VPS13A: variants seen among roughly 807,000 people sequenced by gnomAD.
The protein encoded by VPS13A is intermembrane lipid transfer protein VPS13A.
VPS13A carries 264 observed loss-of-function variants against 390.9 expected under a neutral mutation model. The observed-to-expected ratio is 0.68, with a 90% confidence interval of 0.61 to 0.75. The LOEUF is 0.75. VPS13A is among the 30% of genes least tolerant of loss of function. The pLI is 0.00. For synonymous variants in VPS13A, 1,231 were observed against 1,227.1 expected (o/e 1.00, Z -0.07); for missense variants, 3,409 against 3,733.9 (o/e 0.91, Z 2.27).
At position 77,296,929 on chromosome 9, in the gene VPS13A, A is replaced by G. The variant is rs955822387; in HGVS notation, c.3812+1083A>G. ...CCATTTCATCTAAGTTGTAAAATTT[A>G]ATGGCATAAAGATTTTCATAATGCT... On this transcript the variant is annotated intron_variant, in intron 33 of 71. Coordinates refer to ENST00000360280, the MANE Select transcript of VPS13A (RefSeq NM_033305.3). Among the ~76,000 whole-genome samples the G allele has an allele frequency of 2.0e-5, 3 of 152,244 alleles. No individual in the cohort carries two copies. The East Asian group carries it at 5.8e-4, about 29-fold the overall frequency.
chr9:77,239,808 A>G (rs1007620151), intron 19 of VPS13A, among the ~76,000 whole-genome samples: 8 of 151,906 alleles, frequency 5.3e-5, no homozygotes, highest in African/African-American at 1.9e-4. Context: ...GATAAATTCT[A>G]GGATACCTTT....
At position 77,371,085 on chromosome 9, in the gene VPS13A, G is replaced by T; in HGVS notation, c.9013G>T (p.Ala3005Ser). ...AGGTGTTGGGAAAGGTTTAGTAGGA[G>T]CGGTAGCAAGGCCAACTGGAGGCAT... is the stretch of plus-strand genomic sequence containing the variant. Reference protein sequence around the residue: ...FKGVGKGLVGAVARPTGGIID... With the variant: ...FKGVGKGLVGSVARPTGGIID... Residue 3005 changes from alanine to serine, a missense_variant, in exon 67 of 72, where the codon GCG becomes TCG. By Grantham distance (99) the Ala-to-Ser change is moderately conservative. Around this residue, in one of 5 missense-constraint regions of VPS13A, gnomAD observed 318 missense variants for 333.7 expected, o/e 0.95. Transcript: ENST00000360280. The T allele has an allele frequency of 6.2e-7, 1 of 1,614,136 alleles. No homozygotes were observed. Among genetic ancestry groups the T allele is most frequent in the Non-Finnish European group, 8.5e-7 (1 of 1,180,002 alleles).
intron 68 of VPS13A, 133 bp downstream of exon 68, chr9:77,382,220 A>G (rs1187120102): frequency 1.1e-5 from 15 of 1,382,478 alleles, no homozygotes; most frequent in Middle Eastern, 5.1e-4. Context: ...AGTTTCTTAT[A>G]TTTACTTAGA....
chr9:77,331,133 ATT>A (rs146783254), intron 45 of VPS13A, among the ~76,000 whole-genome samples: 4 of 150,974 alleles, frequency 2.6e-5, no homozygotes, highest in African/African-American at 9.7e-5. Context: ...TTTCATTTTC[ATT>A]TTTTTTTATA....
chr9:77,321,831 A>G (rs879659120), intron 44 of VPS13A, 85 bp downstream of exon 44: 20 of 1,520,616 alleles, frequency 1.3e-5, no homozygotes, highest in Non-Finnish European at 1.8e-5. Context: ...GTAGAATCTT[A>G]GCAAGGTTTT....
intron 1 of VPS13A, among the ~76,000 whole-genome samples, chr9:77,183,453 T>C (rs1370333669): frequency 2.0e-5 from 3 of 152,240 alleles, no homozygotes; most frequent in African/African-American, 4.8e-5. Context: ...TTGAGTTTTC[T>C]AGACTTGGAT....
rs759878444 is a variant in VPS13A at position 77,282,134 on chromosome 9, C to T, written c.2978C>T (p.Ser993Phe). 4 of 1,612,992 alleles carry T rather than the reference C, an allele frequency of 2.5e-6. No individual in the cohort carries two copies. Among genetic ancestry groups the T allele is most frequent in the Non-Finnish European group, 3.4e-6 (4 of 1,179,538 alleles). The change falls in exon 29 of 72, where the codon TCT (serine) becomes TTT (phenylalanine). Residue 993 changes from serine to phenylalanine, a missense_variant. Around this residue, in one of 5 missense-constraint regions of VPS13A, gnomAD observed 2,717 missense variants for 2,917.4 expected, o/e 0.93. Coordinates refer to ENST00000360280, the MANE Select transcript of VPS13A (RefSeq NM_033305.3). ...VLQLIKVNFS[S>F]LDIHLHTEAL... ...TTTGTTCTTTAGGTAAATTTTTCCT[C>T]TTTGGATATTCATTTACACACTGAA...
chr9:77,411,264 G>C (rs1395252476), intron 71 of VPS13A, among the ~76,000 whole-genome samples: 1 of 152,150 alleles, frequency 6.6e-6, no homozygotes, highest in Non-Finnish European at 1.5e-5. Context: ...CAACATAGCA[G>C]AATCTCTGGG....
Position 77,359,402 on chromosome 9 carries a change from A to T in VPS13A, c.8105A>T (p.Lys2702Met). 1 of 1,609,258 alleles carries T rather than the reference A, an allele frequency of 6.2e-7. No individual in the cohort carries two copies. The highest frequency in any genetic ancestry group is 8.5e-7 in the Non-Finnish European group (1 of 1,175,896). Residue 2702 changes from lysine (K) to methionine (M), a missense_variant and splice_region_variant, in exon 58 of 72, where the codon AAG becomes ATG. Lys to Met is a moderately conservative substitution (Grantham distance 95). This residue lies in a region of VPS13A where 221 missense variants were observed against 300.7 expected (regional missense o/e 0.73). Transcript: ENST00000360280. ...SAGHSQISRI[K>M]YFKVLIQEMD... The stretch of plus-strand genomic sequence containing the variant: ...GGACATTCCCAGATATCACGTATTA[A>T]GTAAGTGTCTTAATACATTTCTTGT...
chr9:77,388,131 A>G (rs1424684308), intron 68 of VPS13A, among the ~76,000 whole-genome samples: 1 of 152,198 alleles, frequency 6.6e-6, no homozygotes, highest in African/African-American at 2.4e-5. Context: ...TTAAGTGTAC[A>G]CACATTATTT....
chr9:77,328,031 T>C (rs1056150015), intron 45 of VPS13A, among the ~76,000 whole-genome samples: 7 of 152,178 alleles, frequency 4.6e-5, no homozygotes, highest in African/African-American at 1.7e-4. Context: ...AAAATGTATT[T>C]CTTAAATAAT....
intron 24 of VPS13A, among the ~76,000 whole-genome samples, chr9:77,274,279 T>C (rs1826511987): frequency 6.6e-6 from 1 of 151,928 alleles, no homozygotes; most frequent in South Asian, 2.1e-4. Context: ...AGTACAAAAA[T>C]TAGCTGGGAG....
chr9:77,387,316 TA>T lies in VPS13A; in HGVS notation c.9189+5233del, dbSNP rs1378817968. 2.6e-5 allele frequency among the ~76,000 whole-genome samples: 4 copies of T among 152,352 alleles called. No homozygotes were observed. In the East Asian group the frequency reaches 5.8e-4, roughly 22 times the overall value. Reference sequence around the variant, plus strand: ...TGGTTCTATAATTAACTAGAACTTTTAAAATGGTAGTATCTAACAGGAAAGT... The same window carrying T: ...TGGTTCTATAATTAACTAGAACTTTTAAATGGTAGTATCTAACAGGAAAGT... On this transcript the variant is annotated intron_variant, in intron 68 of 71. Coordinates refer to ENST00000360280, the MANE Select transcript of VPS13A (RefSeq NM_033305.3).
intron 67 of VPS13A, among the ~76,000 whole-genome samples, chr9:77,378,617 G>A (rs906852007): frequency 6.6e-6 from 1 of 151,534 alleles, no homozygotes; most frequent in African/African-American, 2.4e-5. Flanking sequence ...TAGTGATGGC[G>A]TGTCATTTTT....
At chr9:77,182,446 CTTA>C (rs146836885) in intron 1 of VPS13A, among the ~76,000 whole-genome samples, 3,459 of 152,226 alleles carry the variant, frequency 0.023, 107 homozygotes, top group East Asian at 0.11. Flanking sequence ...GCCATAGGTG[CTTA>C]TTATGAATAC....
intron 34 of VPS13A, among the ~76,000 whole-genome samples, chr9:77,305,085 T>C (rs375763538): frequency 3.3e-5 from 5 of 151,944 alleles, no homozygotes; most frequent in Non-Finnish European, 7.4e-5. Flanking sequence ...ACTACAGGCA[T>C]CCGCCACCGC....
At chr9:77,298,077 T>A (rs778687960) in intron 33 of VPS13A, among the ~76,000 whole-genome samples, 5 of 152,180 alleles carry the variant, frequency 3.3e-5, no homozygotes, top group Non-Finnish European at 5.9e-5. Context: ...TTGATGATGA[T>A]ACACTTCACT....
At chr9:77,359,475 T>A (rs1832015444) in intron 58 of VPS13A, 73 bp downstream of exon 58, 1 of 1,293,350 alleles carries the variant, frequency 7.7e-7, no homozygotes, top group Non-Finnish European at 1.1e-6. Flanking sequence ...TTGTACTCTT[T>A]AAATGTTGGA....
intron 53 of VPS13A, among the ~76,000 whole-genome samples, chr9:77,352,797 G>A (rs1471471866): frequency 6.6e-6 from 1 of 151,926 alleles, no homozygotes; most frequent in African/African-American, 2.4e-5. Flanking sequence ...CAACGTGAAG[G>A]TATACTATAT....
Sources: gnomAD v4.1 joint callset for allele counts (sites outside exome capture counted in the v4.1 genomes callset) on GRCh38, gnomAD v4.1.1 for gene constraint, gnomAD v4.1.1 regional missense constraint, MANE v1.5 for transcripts, NCBI Gene and HGNC (gene_info 2026-07-23, HGNC 2026-07-21) for gene names.